TECTB: variants seen among roughly 807,000 people sequenced by gnomAD.
The protein encoded by TECTB is tectorin beta.
A neutral mutation model predicts 43.3 loss-of-function variants in TECTB; 45 were observed. That is an observed-to-expected ratio of 1.04 (90% CI 0.82 to 1.33). The LOEUF (loss-of-function observed/expected upper bound fraction) is 1.33, where lower values mean the gene tolerates loss of function less well. TECTB is among the 40% of genes most tolerant of loss of function. TECTB has a pLI of 0.00. For missense variants in TECTB, 399 were observed against 404.7 expected (o/e 0.99, Z 0.12); for synonymous variants, 169 against 156.7 (o/e 1.08, Z -0.59).
At position 112,283,878 on chromosome 10, in the gene TECTB, G is replaced by T. The variant is rs560336351; in HGVS notation, c.76+68G>T. ...CTGAAGTTTCCTTTTACAATGCTCAGCACTTCTGTGCTTAACTTGTTATAA... is the reference window on the plus strand; with the variant it reads ...CTGAAGTTTCCTTTTACAATGCTCATCACTTCTGTGCTTAACTTGTTATAA... On this transcript the variant is annotated intron_variant, in intron 2 of 10. Transcript: ENST00000646139. The T allele has an allele frequency of 1.7e-4, 247 of 1,489,694 alleles. 2 individuals carry two copies. The South Asian group carries it at 2.8e-3, about 17-fold the overall frequency. 92.3% of individuals were successfully genotyped at this position (1,489,694 alleles called of 1,614,324 possible).
chr10:112,290,985 T>C lies in TECTB; in HGVS notation c.484-2753T>C, dbSNP rs1034205592. On this transcript the variant is annotated intron_variant, in intron 5 of 10. Coordinates refer to ENST00000646139, the MANE Select transcript of TECTB (RefSeq NM_058222.3). Reference sequence around the variant, plus strand: ...ATGTGAGGGGTAAAGTCCACTTTATTTTATCTTTATTTGTTATTTTTATTT... The same window carrying C: ...ATGTGAGGGGTAAAGTCCACTTTATCTTATCTTTATTTGTTATTTTTATTT... 1.5e-4 allele frequency among the ~76,000 whole-genome samples: 23 copies of C among 152,222 alleles called. No homozygotes were observed. The East Asian group carries it at 3.5e-3, about 23-fold the overall frequency.
At position 112,284,554 on chromosome 10, in the gene TECTB, C is replaced by T; in HGVS notation, c.96C>T (p.Cys32=). 1 of 1,608,222 alleles carries T rather than the reference C, an allele frequency of 6.2e-7. No individual in the cohort carries two copies. Among genetic ancestry groups the T allele is most frequent in the Non-Finnish European group, 8.5e-7 (1 of 1,176,932 alleles). ...TTCCAGATGTCATTCTTGTGTTTTG[C>T]TATCCCAAAACCATCATCACCAAAA... ...PNKADVILVF[C]YPKTIITKIP... is the part of the protein sequence containing the mutation. The change falls in exon 3 of 11, where the codon TGC becomes TGT. Residue 32 remains cysteine (C), a synonymous_variant. Transcript: ENST00000646139.
intron 2 of TECTB, among the ~76,000 whole-genome samples, chr10:112,284,132 T>A (rs1848435409): frequency 6.6e-6 from 1 of 152,212 alleles, no homozygotes; most frequent in African/African-American, 2.4e-5. Context: ...TGAATTTCTA[T>A]CTTGTGCCCT....
chr10:112,286,187 G>A lies in TECTB; in HGVS notation c.384G>A (p.Leu128=). ...CCTGCACCTACCACTCCACCTACTTGGTGAACCAGGCTGCCTTTGACCAGA... is the reference window on the plus strand; with the variant it reads ...CCTGCACCTACCACTCCACCTACTTAGTGAACCAGGCTGCCTTTGACCAGA... ...SFSCTYHSTY[L]VNQAAFDQRV... is the part of the protein sequence containing the mutation. Residue 128 remains leucine, a synonymous_variant, in exon 4 of 11, where the codon TTG becomes TTA. Coordinates refer to ENST00000646139, the MANE Select transcript of TECTB (RefSeq NM_058222.3). 6.2e-7 allele frequency: 1 copy of A among 1,614,140 alleles called. No individual in the cohort carries two copies. Among genetic ancestry groups the A allele is most frequent in the Non-Finnish European group, 8.5e-7 (1 of 1,179,992 alleles).
At chr10:112,286,960 C>T (rs1199207819) in intron 5 of TECTB, among the ~76,000 whole-genome samples, 1 of 152,118 alleles carries the variant, frequency 6.6e-6, no homozygotes, top group Non-Finnish European at 1.5e-5. Context: ...CAATCTTCCG[C>T]AAAGATATAA....
intron 5 of TECTB, among the ~76,000 whole-genome samples, chr10:112,290,213 T>A (rs1848486705): frequency 6.6e-6 from 1 of 152,226 alleles, no homozygotes; most frequent in Non-Finnish European, 1.5e-5. Flanking sequence ...ACTACCTGTC[T>A]GTCAGTCACT....
intron 7 of TECTB, among the ~76,000 whole-genome samples, chr10:112,297,294 A>G (rs775074976): frequency 3.9e-5 from 6 of 152,296 alleles, no homozygotes; most frequent in South Asian, 2.1e-4. Flanking sequence ...CCTGGGGCAC[A>G]AAGTGGACCA....
chr10:112,283,723 T>C lies in TECTB; in HGVS notation c.-12T>C. 1.9e-6 allele frequency: 3 copies of C among 1,613,568 alleles called. No homozygotes were observed. Among genetic ancestry groups the C allele is most frequent in the Non-Finnish European group, 1.7e-6 (2 of 1,179,776 alleles). ...GTTTGGATACCTGGCAGAGACCAGGTTCTGAGAAGCAATGGTGACGAAGGC... is the reference window on the plus strand; with the variant it reads ...GTTTGGATACCTGGCAGAGACCAGGCTCTGAGAAGCAATGGTGACGAAGGC... On this transcript the variant is annotated 5_prime_UTR_variant, in exon 2 of 11. Coordinates refer to ENST00000646139, the MANE Select transcript of TECTB (RefSeq NM_058222.3).
chr10:112,285,094 A>T (rs779221458), intron 3 of TECTB, among the ~76,000 whole-genome samples: 3 of 152,260 alleles, frequency 2.0e-5, no homozygotes, highest in Non-Finnish European at 4.4e-5. Flanking sequence ...CAAAGTGGTG[A>T]CAAAGAGCAT....
In TECTB at chr10:112,283,840, G is replaced by C. The variant is rs370587638; in HGVS notation, c.76+30G>C. ...GTCCTCGCCAAGTCCATTTTCCTGG[G>C]ACGAAAAGTTTCCTGAAGTTTCCTT... On this transcript the variant is annotated intron_variant, in intron 2 of 10. Coordinates refer to ENST00000646139, the MANE Select transcript of TECTB (RefSeq NM_058222.3). 2.5e-5 allele frequency: 41 copies of C among 1,608,306 alleles called. No homozygotes were observed. In the African/African-American group the frequency reaches 4.4e-4, roughly 17 times the overall value.
intron 5 of TECTB, among the ~76,000 whole-genome samples, chr10:112,291,918 C>T (rs368202076): frequency 3.3e-5 from 5 of 152,110 alleles, no homozygotes; most frequent in Non-Finnish European, 4.4e-5. Context: ...GGGCAGATCA[C>T]GAGGTCAGGA....
intron 5 of TECTB, among the ~76,000 whole-genome samples, chr10:112,289,562 G>A (rs1848481480): frequency 6.6e-6 from 1 of 152,194 alleles, no homozygotes; most frequent in Admixed American, 6.5e-5. Context: ...TCTCGCACAT[G>A]TGTCCCAGTT....
rs1272531061 is a variant in TECTB at position 112,303,718 on chromosome 10, A to G, written c.*406A>G. 1 of 171,760 alleles carries G rather than the reference A, an allele frequency of 5.8e-6. No individual in the cohort carries two copies. The highest frequency in any genetic ancestry group is 1.3e-5 in the Non-Finnish European group (1 of 79,628). The allele number at this position is 171,760 out of a possible 1,614,324, so 10.6% of individuals were successfully genotyped here. Reference sequence around the variant, plus strand: ...CACTAAATGCACAACGCACATTAATAGCTGACTTTGCCAAAAAGGAGCTTT... The same window carrying G: ...CACTAAATGCACAACGCACATTAATGGCTGACTTTGCCAAAAAGGAGCTTT... On this transcript the variant is annotated 3_prime_UTR_variant, in exon 11 of 11. Transcript: ENST00000646139.
chr10:112,284,951 C>T lies in TECTB; in HGVS notation c.267+226C>T, dbSNP rs372370914. 2.4e-4 allele frequency among the ~76,000 whole-genome samples: 36 copies of T among 152,268 alleles called. No homozygotes were observed. The East Asian group carries it at 2.9e-3, about 12-fold the overall frequency. ...GACTCTTATCCTCCTAATTTGTTGC[C>T]AAAGCCAGTGAAGCTACCTTCTAGT... On this transcript the variant is annotated intron_variant, in intron 3 of 10. Transcript: ENST00000646139.
rs568785901 is a variant in TECTB, at chr10:112,287,631, G to A, written c.483+1240G>A. Among the ~76,000 whole-genome samples, 4 of 152,292 alleles carry A rather than the reference G, an allele frequency of 2.6e-5. No individual in the cohort carries two copies. In the East Asian group the frequency reaches 7.7e-4, roughly 29 times the overall value. ...CAGCCCTGCTGAACTCAGAAGGCGA[G>A]AGCTGTAAGGGATCCTAGAATAACC... On this transcript the variant is annotated intron_variant, in intron 5 of 10. Transcript: ENST00000646139.
intron 6 of TECTB, 47 bp downstream of exon 6, chr10:112,293,888 A>G (rs1271337590): frequency 1.9e-6 from 3 of 1,608,054 alleles, no homozygotes; most frequent in African/African-American, 2.7e-5. Context: ...CAAAGAAAAA[A>G]AAGACTAGCT....
In TECTB at chr10:112,286,061, C is replaced by T; in HGVS notation, c.268-10C>T. 6.2e-7 allele frequency: 1 copy of T among 1,614,036 alleles called. No individual in the cohort carries two copies. Among genetic ancestry groups the T allele is most frequent in the Non-Finnish European group, 8.5e-7 (1 of 1,179,912 alleles). ...CAGATTCATCCTGACTGTCTCCTTT[C>T]TTTGTCCAGTACAAGCCACCTATCT... On this transcript the variant is annotated splice_polypyrimidine_tract_variant and intron_variant, in intron 3 of 10. Coordinates refer to ENST00000646139, the MANE Select transcript of TECTB (RefSeq NM_058222.3).
intron 7 of TECTB, 113 bp from the exon 8 acceptor site, chr10:112,297,956 G>A: frequency 7.1e-7 from 1 of 1,405,300 alleles, no homozygotes; most frequent in Non-Finnish European, 9.9e-7. Context: ...AAAATGCCTG[G>A]GAAGGTTAGA....
At position 112,286,180 on chromosome 10, in the gene TECTB, C is replaced by T; in HGVS notation, c.377C>T (p.Thr126Ile). 2 of 1,614,198 alleles carry T rather than the reference C, an allele frequency of 1.2e-6. No homozygotes were observed. Among genetic ancestry groups the T allele is most frequent in the Non-Finnish European group, 1.7e-6 (2 of 1,180,010 alleles). Residue 126 changes from threonine (T) to isoleucine (I), a missense_variant, in exon 4 of 11, where the codon ACC (threonine) becomes ATC (isoleucine). Coordinates refer to ENST00000646139, the MANE Select transcript of TECTB (RefSeq NM_058222.3). Reference sequence around the variant, plus strand: ...TCCTTCTCCTGCACCTACCACTCCACCTACTTGGTGAACCAGGCTGCCTTT... The same window carrying T: ...TCCTTCTCCTGCACCTACCACTCCATCTACTTGGTGAACCAGGCTGCCTTT... ...NYSFSCTYHS[T>I]YLVNQAAFDQ...
Sources: allele counts gnomAD v4.1 joint callset (sites outside exome capture counted in the v4.1 genomes callset), GRCh38; gene constraint gnomAD v4.1.1; transcripts MANE v1.5; gene names NCBI Gene and HGNC (gene_info 2026-07-23, HGNC 2026-07-21).